The following CXADR variants were observed in gnomAD, a reference collection of about 807,000 sequenced individuals.
CXADR encodes the protein coxsackievirus and adenovirus receptor.
A neutral mutation model predicts 40.3 loss-of-function variants in CXADR; 20 were observed. That is an observed-to-expected ratio of 0.50 (90% CI 0.35 to 0.72). The LOEUF (loss-of-function observed/expected upper bound fraction) is 0.72. Ranked by LOEUF, CXADR falls within the 30% of genes least tolerant of loss-of-function variation. The pLI, the probability that CXADR is intolerant of heterozygous loss-of-function variation, is 0.01. For missense variants in CXADR, 332 were observed against 449.1 expected, an observed-to-expected ratio of 0.74 and a Z score of 2.36; for synonymous variants, 150 against 161.3, an observed-to-expected ratio of 0.93 and a Z score of 0.53.
chr21:17,586,915 T>A (rs532202008), intron 7 of CXADR, among the ~76,000 whole-genome samples: 3 of 151,928 alleles, frequency 2.0e-5, no homozygotes, highest in Non-Finnish European at 4.4e-5. Flanking sequence ...CAGTCCCTGG[T>A]GTGTGATGTT....
intron 3 of CXADR, among the ~76,000 whole-genome samples, chr21:17,558,060 T>C (rs916594986): frequency 2.0e-5 from 3 of 149,488 alleles, no homozygotes; most frequent in Non-Finnish European, 4.4e-5. Context: ...CAGAAACACC[T>C]GGAATATAAC....
At chr21:17,561,530 C>G (rs1042999616) in intron 6 of CXADR, 54 bp downstream of exon 6, 2 of 1,469,496 alleles carry the variant, frequency 1.4e-6, no homozygotes, top group African/African-American at 2.8e-5. Context: ...TGTCATTTCT[C>G]TAAAGCATTC....
At chr21:17,624,196 C>T in the CXADR span, among the ~76,000 whole-genome samples, 1 of 152,196 alleles carries the variant, frequency 6.6e-6, no homozygotes, top group East Asian at 1.9e-4. Context: ...CTTGCTTCAT[C>T]TCCTGCTATA....
At chr21:17,628,121 A>C in the CXADR span, among the ~76,000 whole-genome samples, 1 of 152,184 alleles carries the variant, frequency 6.6e-6, no homozygotes, top group African/African-American at 2.4e-5. Flanking sequence ...CATTCAGCAA[A>C]CCTTTAAAAG....
chr21:17,513,354 G>A (rs2060415996), intron 1 of CXADR, among the ~76,000 whole-genome samples, 182 bp downstream of exon 1: 1 of 152,092 alleles, frequency 6.6e-6, no homozygotes, highest in Non-Finnish European at 1.5e-5. Flanking sequence ...CGCTCCTGGA[G>A]CCGTCCCGTA....
chr21:17,519,678 T>G (rs925464617), intron 1 of CXADR, among the ~76,000 whole-genome samples: 22 of 152,204 alleles, frequency 1.4e-4, no homozygotes, highest in Non-Finnish European at 2.2e-4. Flanking sequence ...ATAGTCAATC[T>G]TGACCTTAAA....
chr21:17,631,868 G>A, the CXADR span, among the ~76,000 whole-genome samples: 1 of 152,194 alleles, frequency 6.6e-6, no homozygotes, highest in South Asian at 2.1e-4. Context: ...AAAAATGCTT[G>A]AATTTGGATC....
intron 1 of CXADR, among the ~76,000 whole-genome samples, chr21:17,522,406 C>T (rs1019720395): frequency 1.3e-5 from 2 of 152,052 alleles, no homozygotes; most frequent in Non-Finnish European, 2.9e-5. Flanking sequence ...CCTCGGCCTC[C>T]GAAAGTGCTG....
chr21:17,540,031 G>A (rs2060807171), intron 1 of CXADR, among the ~76,000 whole-genome samples: 1 of 152,160 alleles, frequency 6.6e-6, no homozygotes, highest in Admixed American at 6.6e-5. Flanking sequence ...TGGAGTCTGG[G>A]CAGTCCAAGA....
At chr21:17,578,801 G>T (rs368766950) in intron 7 of CXADR, among the ~76,000 whole-genome samples, 3 of 152,218 alleles carry the variant, frequency 2.0e-5, no homozygotes, top group Admixed American at 2.0e-4. Context: ...CAGCCTGGGT[G>T]ACAGAGCAAA....
At chr21:17,524,004 G>A (rs1028273024) in intron 1 of CXADR, among the ~76,000 whole-genome samples, 2 of 151,674 alleles carry the variant, frequency 1.3e-5, no homozygotes, top group Non-Finnish European at 2.9e-5. Flanking sequence ...GATTACAGGC[G>A]CTCACCACCA....
intron 1 of CXADR, among the ~76,000 whole-genome samples, chr21:17,534,019 T>TATATATATAGCTATATATATATATACAC (rs2060713373): frequency 2.5e-5 from 2 of 81,402 alleles, no homozygotes; most frequent in African/African-American, 3.5e-5. Flanking sequence ...TATATATATA[T>TATATATATAGCTATATATATATATACAC]ATATATATAG....
At chr21:17,576,041 T>C (rs2061320140) in intron 7 of CXADR, among the ~76,000 whole-genome samples, 1 of 138,124 alleles carries the variant, frequency 7.2e-6, no homozygotes, top group Admixed American at 7.8e-5. Context: ...TGAGCCGAGA[T>C]CACGCCACTG....
rs748285290 is a variant in CXADR, at chr21:17,565,708, C to G, written c.*16C>G. On this transcript the variant is annotated 3_prime_UTR_variant, in exon 7 of 7. Coordinates refer to ENST00000284878, the MANE Select transcript of CXADR (RefSeq NM_001338.5). The stretch of plus-strand genomic sequence containing the variant: ...TATAGTATAGAGCCTCCATATGTCT[C>G]ATCTGTGCTCTCCGTGTTCCTTTCC... 1.4e-5 allele frequency: 23 copies of G among 1,605,202 alleles called. No homozygotes were observed. The highest frequency in any genetic ancestry group is 2.0e-5 in the Non-Finnish European group (23 of 1,175,208).
chr21:17,618,995 TAATATTTTAAGAGG>T, the CXADR span, among the ~76,000 whole-genome samples: 1,096 of 152,350 alleles, frequency 7.2e-3, 18 homozygotes, highest in African/African-American at 0.025. Context: ...CAATGAGCAG[TAATATTTTAAGAGG>T]AATATTTTTT....
chr21:17,563,099 G>A (rs908713246), intron 6 of CXADR, among the ~76,000 whole-genome samples: 1 of 152,072 alleles, frequency 6.6e-6, no homozygotes, highest in Non-Finnish European at 1.5e-5. Flanking sequence ...TGGCTGTTTG[G>A]TGCAAGATAC....
intron 7 of CXADR, among the ~76,000 whole-genome samples, chr21:17,589,253 C>T (rs887958054): frequency 6.6e-6 from 1 of 151,948 alleles, no homozygotes; most frequent in Non-Finnish European, 1.5e-5. Flanking sequence ...AGTATGATTA[C>T]AAACATAAAA....
At chr21:17,581,280 A>C (rs1472402215) in intron 7 of CXADR, among the ~76,000 whole-genome samples, 2 of 152,200 alleles carry the variant, frequency 1.3e-5, no homozygotes, top group Admixed American at 1.3e-4. Flanking sequence ...TATATATGTC[A>C]TTTTGTGTAT....
chr21:17,531,697 G>T (rs1020073636), intron 1 of CXADR, among the ~76,000 whole-genome samples: 7 of 152,108 alleles, frequency 4.6e-5, no homozygotes, highest in African/African-American at 1.7e-4. Context: ...AGGATATCAG[G>T]TACAAATTCT....
Sources: allele counts gnomAD v4.1 joint callset (sites outside exome capture counted in the v4.1 genomes callset), GRCh38; gene constraint gnomAD v4.1.1; transcripts MANE v1.5; gene names NCBI Gene and HGNC (gene_info 2026-07-23, HGNC 2026-07-21).